PICALM: variants seen among roughly 807,000 people sequenced by gnomAD.
PICALM encodes phosphatidylinositol-binding clathrin assembly protein.
Under a neutral mutation model 80.5 loss-of-function variants are expected in PICALM, and 40 were observed. That is an observed-to-expected ratio of 0.50 (90% CI 0.39 to 0.65). PICALM has a LOEUF of 0.65. Ranked by LOEUF, PICALM falls within the 30% of genes least tolerant of loss-of-function variation. PICALM has a pLI of 0.00. For missense variants in PICALM, 676 were observed against 778.9 expected (o/e 0.87, Z 1.57); for synonymous variants, 288 against 260.3 (o/e 1.11, Z -1.02).
chr11:85,965,642 A>C (rs753136760), intron 19 of PICALM, among the ~76,000 whole-genome samples: 3 of 152,088 alleles, frequency 2.0e-5, no homozygotes, highest in Non-Finnish European at 4.4e-5. Context: ...GGATTTCTCT[A>C]CTATATACAT....
At chr11:86,002,869 C>T (rs1317815653) in intron 9 of PICALM, among the ~76,000 whole-genome samples, 4 of 151,876 alleles carry the variant, frequency 2.6e-5, no homozygotes, top group African/African-American at 4.8e-5. Context: ...AAAAATTAGC[C>T]GGCCGTGGTG....
At chr11:85,967,698 C>T (rs764451002) in intron 19 of PICALM, among the ~76,000 whole-genome samples, 7 of 152,152 alleles carry the variant, frequency 4.6e-5, no homozygotes, top group Non-Finnish European at 1.0e-4. Flanking sequence ...ACAATTAACA[C>T]ACCAAGAGAA....
intron 6 of PICALM, among the ~76,000 whole-genome samples, chr11:86,011,812 T>C (rs1259995866): frequency 1.3e-5 from 2 of 151,918 alleles, no homozygotes; most frequent in African/African-American, 4.8e-5. Context: ...TTTTTTATTG[T>C]GGTAAAATAC....
intron 7 of PICALM, 36 bp downstream of exon 7, chr11:86,010,994 G>A: frequency 3.4e-6 from 3 of 879,176 alleles, no homozygotes; most frequent in Non-Finnish European, 5.6e-6. Context: ...CAGACAAAAA[G>A]GCAAGTTAGG....
chr11:85,976,259 C>T (rs147843018), intron 18 of PICALM, among the ~76,000 whole-genome samples: 302 of 152,300 alleles, frequency 2.0e-3, no homozygotes, highest in African/African-American at 6.9e-3. Flanking sequence ...TATCTCTATA[C>T]AATTCAAGTG....
chr11:85,958,955 T>A lies in PICALM; in HGVS notation c.*91A>T. 1 of 900,356 alleles carries A rather than the reference T, an allele frequency of 1.1e-6. No homozygotes were observed. Among genetic ancestry groups the A allele is most frequent in the Non-Finnish European group, 1.8e-6 (1 of 562,916 alleles). 55.8% of individuals were successfully genotyped at this position (900,356 alleles called of 1,614,324 possible). ...ATGGAAGAAGAGAGTTTAAGAGATT[T>A]AAGAGACAGCAGTTTGGATTTTGCT... On this transcript the variant is annotated 3_prime_UTR_variant, in exon 20 of 20. Transcript: ENST00000393346.
At chr11:86,024,824 C>T (rs1229761059) in intron 3 of PICALM, among the ~76,000 whole-genome samples, 3 of 152,092 alleles carry the variant, frequency 2.0e-5, no homozygotes, top group Non-Finnish European at 4.4e-5. Context: ...GTGTATCTGT[C>T]CTTACTTTCA....
chr11:85,978,167 T>C, intron 17 of PICALM: 2 of 1,250,222 alleles, frequency 1.6e-6, no homozygotes, highest in African/African-American at 1.5e-5. Flanking sequence ...CAACAGAAAA[T>C]ACACAGAGAG....
chr11:86,064,296 T>A (rs574278256), intron 1 of PICALM, among the ~76,000 whole-genome samples: 22 of 152,282 alleles, frequency 1.4e-4, no homozygotes, highest in African/African-American at 5.1e-4. Flanking sequence ...CTTGATTTTG[T>A]TTTAGAAAAG....
chr11:85,999,424 C>T (rs575340185), intron 11 of PICALM, among the ~76,000 whole-genome samples: 11 of 152,278 alleles, frequency 7.2e-5, no homozygotes, highest in African/African-American at 2.4e-4. Context: ...GTTTCAGCCT[C>T]GAACAATGAA....
chr11:86,031,469 C>T lies in PICALM; in HGVS notation c.273G>A (p.Glu91=). The T allele has an allele frequency of 6.2e-7, 1 of 1,608,336 alleles. No homozygotes were observed. The highest frequency in any genetic ancestry group is 8.5e-7 in the Non-Finnish European group (1 of 1,177,972). Residue 91 remains glutamate, a splice_region_variant and synonymous_variant, in exon 2 of 20, where the codon GAG becomes GAA. Coordinates refer to ENST00000393346, the MANE Select transcript of PICALM (RefSeq NM_007166.4). ...CTTGTTCAATAAAAATTCTGCTTAC[C>T]TCATTTCCATACACCATCAAATGAT... The part of the protein sequence containing the change: ...TTHHLMVYGN[E]RFIQYLASRN...
At chr11:86,004,964 T>G (rs7931285) in intron 8 of PICALM, among the ~76,000 whole-genome samples, 7,977 of 152,278 alleles carry the variant, frequency 0.052, 353 homozygotes, top group African/African-American at 0.13. Flanking sequence ...TTAAGAGCTT[T>G]CAGAGATGAT....
At chr11:86,025,119 A>C (rs1411600010) in intron 3 of PICALM, among the ~76,000 whole-genome samples, 1 of 152,190 alleles carries the variant, frequency 6.6e-6, no homozygotes, top group Non-Finnish European at 1.5e-5. Flanking sequence ...AAAAAATAGC[A>C]GGCCGGGTGT....
intron 3 of PICALM, among the ~76,000 whole-genome samples, chr11:86,026,016 T>C (rs949581053): frequency 1.3e-5 from 2 of 152,134 alleles, no homozygotes; most frequent in Admixed American, 1.3e-4. Flanking sequence ...ATATAGCTGG[T>C]AGGCAGCAAA....
chr11:86,002,207 C>T (rs930175077), intron 9 of PICALM, among the ~76,000 whole-genome samples: 3 of 151,882 alleles, frequency 2.0e-5, no homozygotes, highest in African/African-American at 7.3e-5. Flanking sequence ...ACTGCTACTT[C>T]GAAAATCTTA....
chr11:85,972,983 CAT>C (rs1378241632), intron 19 of PICALM, among the ~76,000 whole-genome samples: 1 of 152,152 alleles, frequency 6.6e-6, no homozygotes, highest in Non-Finnish European at 1.5e-5. Flanking sequence ...TGTAAACACT[CAT>C]AGTCTATTTT....
At chr11:85,982,768 T>C (rs1313527697) in intron 14 of PICALM, among the ~76,000 whole-genome samples, 1 of 152,098 alleles carries the variant, frequency 6.6e-6, no homozygotes, top group South Asian at 2.1e-4. Context: ...GAGTGAACTA[T>C]ATCTAAGAAA....
At position 86,000,733 on chromosome 11, in the gene PICALM, G is replaced by A; in HGVS notation, c.1064C>T (p.Thr355Ile). The change falls in exon 11 of 20, where the codon ACA (threonine) becomes ATA (isoleucine). Residue 355 changes from threonine to isoleucine, a missense_variant. Thr to Ile is a moderately conservative substitution (Grantham distance 89). Coordinates refer to ENST00000393346, the MANE Select transcript of PICALM (RefSeq NM_007166.4). ...ELAKKPHTSL[T>I]TAASPVSTSA... ...GGTGGATACAGGAGAGGCTGCAGTT[G>A]TTAAAGAGGTATGAGGTTTCTTTGC... is the stretch of plus-strand genomic sequence containing the variant. 6.2e-7 allele frequency: 1 copy of A among 1,612,974 alleles called. No individual in the cohort carries two copies. The highest frequency in any genetic ancestry group is 8.5e-7 in the Non-Finnish European group (1 of 1,179,768).
At chr11:86,055,113 C>A (rs2096249561) in intron 1 of PICALM, among the ~76,000 whole-genome samples, 3 of 151,844 alleles carry the variant, frequency 2.0e-5, no homozygotes, top group Admixed American at 6.6e-5. Flanking sequence ...GGTGGATCAC[C>A]TGAGGTCAGT....
Sources: gnomAD v4.1 joint callset for allele counts (sites outside exome capture counted in the v4.1 genomes callset) on GRCh38, gnomAD v4.1.1 for gene constraint, MANE v1.5 for transcripts, NCBI Gene and HGNC (gene_info 2026-07-23, HGNC 2026-07-21) for gene names.